C19orf81: variants seen among roughly 807,000 people sequenced by gnomAD.
C19orf81 encodes chromosome 19 open reading frame 81, also known as putative uncharacterized protein C19orf81.
C19orf81 carries 19 observed loss-of-function variants against 22.1 expected under a neutral mutation model. The ratio of observed to expected loss-of-function variants is 0.86; its 90% confidence interval spans 0.60 to 1.26. C19orf81 has a LOEUF of 1.26. C19orf81 is among the 50% of genes most tolerant of loss of function. C19orf81 has a pLI of 0.00. For synonymous variants in C19orf81, 108 were observed against 113.1 expected, an observed-to-expected ratio of 0.95 and a Z score of 0.29; for missense variants, 287 against 280.7, an observed-to-expected ratio of 1.02 and a Z score of -0.16.
Position 50,657,322 on chromosome 19 carries a change from C to T in C19orf81, c.262-667C>T, listed in dbSNP as rs924381754. Among the ~76,000 whole-genome samples the T allele has an allele frequency of 3.3e-5, 5 of 152,336 alleles. No homozygotes were observed. In the South Asian group the frequency reaches 1.0e-3, roughly 32 times the overall value. ...TTGAGCAAGGGACTCTCCAGCCTCCCCTCTCACCCCAGTCAAGGAATGACT... is the reference window on the plus strand; with the variant it reads ...TTGAGCAAGGGACTCTCCAGCCTCCTCTCTCACCCCAGTCAAGGAATGACT... On this transcript the variant is annotated intron_variant, in intron 3 of 4. Transcript: ENST00000425202.
At chr19:50,658,753 G>C (rs1232028484) in intron 4 of C19orf81, 194 bp from the exon 5 acceptor site, 1 of 464,284 alleles carries the variant, frequency 2.2e-6, no homozygotes. Flanking sequence ...CGCAGAACCA[G>C]GCTAAGAGAG....
chr19:50,652,994 G>A lies in C19orf81; in HGVS notation c.68-3056G>A, dbSNP rs760000497. 9.9e-5 allele frequency among the ~76,000 whole-genome samples: 15 copies of A among 152,118 alleles called. 1 individual carries two copies. Among genetic ancestry groups the A allele is most frequent in the African/African-American group, 1.9e-4 (8 of 41,396 alleles). ...ATCATGTGTTAAACAACACTACCTCGGAAGGTTGTTGTGAGGATGCAATGG... is the reference window on the plus strand; with the variant it reads ...ATCATGTGTTAAACAACACTACCTCAGAAGGTTGTTGTGAGGATGCAATGG... On this transcript the variant is annotated intron_variant, in intron 1 of 4. Transcript: ENST00000425202.
intron 1 of C19orf81, among the ~76,000 whole-genome samples, chr19:50,654,370 T>C (rs1203938900): frequency 6.6e-6 from 1 of 151,930 alleles, no homozygotes; most frequent in Non-Finnish European, 1.5e-5. Context: ...TGGCGCAATC[T>C]TGGCTCACTG....
intron 3 of C19orf81, among the ~76,000 whole-genome samples, chr19:50,656,725 G>A (rs1985001554): frequency 6.6e-6 from 1 of 152,180 alleles, no homozygotes; most frequent in South Asian, 2.1e-4. Context: ...GCTGAGGTGG[G>A]TGGATCACTA....
rs1173957667 is a variant in C19orf81, at chr19:50,656,346, G to A, written c.261G>A (p.Leu87=). 1.3e-6 allele frequency: 2 copies of A among 1,534,726 alleles called. No individual in the cohort carries two copies. The highest frequency in any genetic ancestry group is 1.7e-6 in the Non-Finnish European group (2 of 1,146,042). ...SQPLCLCMET[L]PEEDFTHLEV... ...CCCTCTGCCTCTGCATGGAGACCTTGGTGAGTGGACCTGTGCCCTTATTTT... is the reference window on the plus strand; with the variant it reads ...CCCTCTGCCTCTGCATGGAGACCTTAGTGAGTGGACCTGTGCCCTTATTTT... Residue 87 remains leucine (L), a splice_region_variant and synonymous_variant, in exon 3 of 5, where the codon TTG becomes TTA. Transcript: ENST00000425202.
At position 50,656,139 on chromosome 19, in the gene C19orf81, C is replaced by T; in HGVS notation, c.140+17C>T. The T allele has an allele frequency of 6.5e-7, 1 of 1,536,126 alleles. No homozygotes were observed. The highest frequency in any genetic ancestry group is 8.7e-7 in the Non-Finnish European group (1 of 1,146,908). ...CAAATCCTCGTGAGTTGTCCCTGGC[C>T]CCCATGACCTCTATCTTCCGCCTCC... On this transcript the variant is annotated intron_variant, in intron 2 of 4. Coordinates refer to ENST00000425202, the MANE Select transcript of C19orf81 (RefSeq NM_001195076.2).
chr19:50,658,158 G>A (rs891438037), intron 4 of C19orf81, 30 bp downstream of exon 4: 40 of 1,522,790 alleles, frequency 2.6e-5, no homozygotes, highest in Non-Finnish European at 3.5e-5. Context: ...GGGGCCTGGA[G>A]CGAGCGGGAG....
intron 1 of C19orf81, among the ~76,000 whole-genome samples, chr19:50,653,923 A>C (rs1033640533): frequency 6.6e-6 from 1 of 151,868 alleles, no homozygotes; most frequent in Non-Finnish European, 1.5e-5. Flanking sequence ...AGATGGAGCT[A>C]ATGCTGGGGT....
At chr19:50,651,147 TGCTGG>T (rs1422780297) in intron 1 of C19orf81, among the ~76,000 whole-genome samples, 2 of 152,220 alleles carry the variant, frequency 1.3e-5, no homozygotes, top group African/African-American at 4.8e-5. Context: ...CTTGTTCTCA[TGCTGG>T]GAGAGGAGAC....
chr19:50,656,235 CCTGCGG>C lies in C19orf81; in HGVS notation c.152_157del (p.Leu51_Arg52del). The C allele has an allele frequency of 6.5e-7, 1 of 1,536,098 alleles. No homozygotes were observed. The highest frequency in any genetic ancestry group is 8.7e-7 in the Non-Finnish European group (1 of 1,146,862). Reference sequence around the variant, plus strand: ...TTCGCTCTCTCCCTAGAAAGCAGTACCTGCGGCAGGTCATTGCAGAGTACGAGGCAC... The same window carrying C: ...TTCGCTCTCTCCCTAGAAAGCAGTACCAGGTCATTGCAGAGTACGAGGCAC... On this transcript the variant is annotated inframe_deletion, in exon 3 of 5. Coordinates refer to ENST00000425202, the MANE Select transcript of C19orf81 (RefSeq NM_001195076.2).
At chr19:50,653,827 G>A (rs1984933408) in intron 1 of C19orf81, among the ~76,000 whole-genome samples, 1 of 151,778 alleles carries the variant, frequency 6.6e-6, no homozygotes, top group Non-Finnish European at 1.5e-5. Context: ...CACGGGGGTG[G>A]GGCTTTGCTC....
In C19orf81 at chr19:50,656,331, C is replaced by T. The variant is rs1193774277; in HGVS notation, c.246C>T (p.Leu82=). The T allele has an allele frequency of 6.5e-7, 1 of 1,536,000 alleles. No individual in the cohort carries two copies. The highest frequency in any genetic ancestry group is 8.7e-7 in the Non-Finnish European group (1 of 1,146,796). Residue 82 remains leucine, a synonymous_variant, in exon 3 of 5, where the codon CTC becomes CTT. Transcript: ENST00000425202. ...CACCAGCTTCCCAGCCCCTCTGCCTCTGCATGGAGACCTTGGTGAGTGGAC... is the reference window on the plus strand; with the variant it reads ...CACCAGCTTCCCAGCCCCTCTGCCTTTGCATGGAGACCTTGGTGAGTGGAC... The part of the protein sequence containing the change: ...PTPPASQPLC[L]CMETLPEEDF...
intron 1 of C19orf81, 139 bp from the exon 2 acceptor site, chr19:50,655,911 A>C (rs1984983700): frequency 1.3e-6 from 1 of 794,404 alleles, no homozygotes; most frequent in African/African-American, 1.7e-5. Context: ...TGGAGTTTGG[A>C]GCTAAGAGAC....
chr19:50,658,895 C>T (rs558586651), intron 4 of C19orf81, 52 bp from the exon 5 acceptor site: 166 of 1,370,842 alleles, frequency 1.2e-4, no homozygotes, highest in Non-Finnish European at 1.4e-4. Flanking sequence ...ACGATCAAAG[C>T]CAGGGCTGAA....
intron 1 of C19orf81, among the ~76,000 whole-genome samples, chr19:50,653,282 G>A (rs111961447): frequency 1.3e-5 from 2 of 152,064 alleles, no homozygotes; most frequent in Non-Finnish European, 2.9e-5. Context: ...CAGTCAATCT[G>A]CCCACTTTGG....
At position 50,656,078 on chromosome 19, in the gene C19orf81, A is replaced by G; in HGVS notation, c.96A>G (p.Pro32=). Residue 32 remains proline (P), a synonymous_variant, in exon 2 of 5, where the codon CCA becomes CCG. Coordinates refer to ENST00000425202, the MANE Select transcript of C19orf81 (RefSeq NM_001195076.2). ...CCCTCCTTATGGACCTGGAGACCCC[A>G]GAGGAGATGCAGGCTCGGAGCCTGG... ...AGALLMDLET[P]EEMQARSLGR... is the part of the protein sequence containing the mutation. 1 of 1,536,140 alleles carries G rather than the reference A, an allele frequency of 6.5e-7. No individual in the cohort carries two copies. The highest frequency in any genetic ancestry group is 2.4e-5 in the East Asian group (1 of 40,910).
chr19:50,659,044 G>A lies in C19orf81; in HGVS notation c.499G>A (p.Asp167Asn), dbSNP rs549756528. 2.6e-6 allele frequency: 4 copies of A among 1,529,678 alleles called. No homozygotes were observed. Among genetic ancestry groups the A allele is most frequent in the Non-Finnish European group, 3.5e-6 (4 of 1,143,612 alleles). 94.8% of individuals were successfully genotyped at this position (1,529,678 alleles called of 1,614,324 possible). ...GLAHQIVRHD[D>N]LLLGDYRLHL... ...TGCGCACCAGATCGTGCGCCACGAC[G>A]ACCTCCTGCTGGGCGACTACCGCCT... Residue 167 changes from aspartate (D) to asparagine (N), a missense_variant, in exon 5 of 5, where the codon GAC (aspartate) becomes AAC (asparagine). Asp to Asn is a conservative substitution (Grantham distance 23). Coordinates refer to ENST00000425202, the MANE Select transcript of C19orf81 (RefSeq NM_001195076.2).
At chr19:50,653,576 G>T (rs149842223) in intron 1 of C19orf81, among the ~76,000 whole-genome samples, 228 of 152,088 alleles carry the variant, frequency 1.5e-3, no homozygotes, top group African/African-American at 5.1e-3. Context: ...TACCGCACGT[G>T]TGTGTGTGAG....
At chr19:50,652,037 G>A (rs1209517526) in intron 1 of C19orf81, among the ~76,000 whole-genome samples, 1 of 152,104 alleles carries the variant, frequency 6.6e-6, no homozygotes, top group African/African-American at 2.4e-5. Flanking sequence ...AGGCTGGCAT[G>A]AATTGACACC....
Sources: allele counts gnomAD v4.1 joint callset (sites outside exome capture counted in the v4.1 genomes callset), GRCh38; gene constraint gnomAD v4.1.1; transcripts MANE v1.5; gene names NCBI Gene and HGNC (gene_info 2026-07-23, HGNC 2026-07-21).